Variants in PDZRN3 observed in about 807,000 individuals in gnomAD.
PDZRN3 encodes PDZ domain containing ring finger 3, also known as E3 ubiquitin-protein ligase PDZRN3.
Under a neutral mutation model 85.7 loss-of-function variants are expected in PDZRN3, and 38 were observed. The ratio of observed to expected loss-of-function variants is 0.44; its 90% CI spans 0.34 to 0.58. PDZRN3 has a LOEUF of 0.58. Among genes scored for constraint, PDZRN3 ranks in the 20% least tolerant of loss-of-function variants. PDZRN3 has a pLI of 0.01. For missense variants in PDZRN3, 1,629 were observed against 1,506.4 expected, an observed-to-expected ratio of 1.08 and a Z score of -1.35; for synonymous variants, 759 against 638.0, an observed-to-expected ratio of 1.19 and a Z score of -2.86.
chr3:73,387,234 G>A (rs1233899819), intron 8 of PDZRN3, among the ~76,000 whole-genome samples: 2 of 151,926 alleles, frequency 1.3e-5, no homozygotes, highest in Non-Finnish European at 2.9e-5. Flanking sequence ...GCATGAAAAC[G>A]GACTAATACA....
At chr3:73,519,269 G>C (rs1704309649) in intron 3 of PDZRN3, among the ~76,000 whole-genome samples, 1 of 152,206 alleles carries the variant, frequency 6.6e-6, no homozygotes, top group South Asian at 2.1e-4. Context: ...GAGGAGGCCA[G>C]AGCATACAGC....
At chr3:73,440,627 G>A (rs916852440) in intron 3 of PDZRN3, among the ~76,000 whole-genome samples, 7 of 152,158 alleles carry the variant, frequency 4.6e-5, no homozygotes, top group Admixed American at 6.5e-5. Flanking sequence ...GGAAATTCCC[G>A]AGGGCGGTTC....
In PDZRN3 at chr3:73,599,448, A is replaced by G. The variant is rs150246813; in HGVS notation, c.918+2906T>C. On this transcript the variant is annotated intron_variant, in intron 3 of 9. Transcript: ENST00000263666. ...TGAGGTGGGGAGGGAGTTAGTATTT[A>G]GTGAGTGTAGAGTTTCAGTCGAGGA... Among the ~76,000 whole-genome samples the G allele has an allele frequency of 3.7e-3, 565 of 152,300 alleles. 6 individuals carry two copies. Among genetic ancestry groups the G allele is most frequent in the African/African-American group, 0.013 (535 of 41,578 alleles).
intron 3 of PDZRN3, among the ~76,000 whole-genome samples, chr3:73,422,777 A>G (rs1434823338): frequency 6.6e-6 from 1 of 152,196 alleles, no homozygotes; most frequent in Non-Finnish European, 1.5e-5. Context: ...CAAAAAGTTC[A>G]AGTTAATTTA....
intron 3 of PDZRN3, among the ~76,000 whole-genome samples, chr3:73,428,310 T>C (rs926829186): frequency 6.6e-6 from 1 of 152,224 alleles, no homozygotes; most frequent in Non-Finnish European, 1.5e-5. Context: ...TCCCCTCTGT[T>C]CCACATCCTC....
At chr3:73,617,062 C>T (rs1463642206) in intron 1 of PDZRN3, among the ~76,000 whole-genome samples, 1 of 152,160 alleles carries the variant, frequency 6.6e-6, no homozygotes, top group Non-Finnish European at 1.5e-5. Flanking sequence ...TATCCAAACA[C>T]AGCAAAGACA....
intron 3 of PDZRN3, among the ~76,000 whole-genome samples, chr3:73,482,093 T>C (rs1231030241): frequency 1.3e-5 from 2 of 152,176 alleles, no homozygotes; most frequent in South Asian, 4.1e-4. Context: ...TCTGGAGCCA[T>C]GGGTGGACTC....
chr3:73,598,337 T>G (rs1011859583), intron 3 of PDZRN3, among the ~76,000 whole-genome samples: 4 of 152,182 alleles, frequency 2.6e-5, no homozygotes, highest in Admixed American at 6.5e-5. Flanking sequence ...ACTGAGATAT[T>G]TACAGTTTCG....
At chr3:73,593,262 T>A (rs1457695291) in intron 3 of PDZRN3, among the ~76,000 whole-genome samples, 1 of 152,198 alleles carries the variant, frequency 6.6e-6, no homozygotes, top group Admixed American at 6.5e-5. Context: ...AAGATTTAAT[T>A]TTTTGACCTA....
At position 73,384,896 on chromosome 3, in the gene PDZRN3, G is replaced by C. The variant is rs776656446; in HGVS notation, c.1670C>G (p.Thr557Arg). Reference sequence around the variant, plus strand: ...GTGCTGGTTGGACAAGATGGTGGCTGTATCTGTGGTCCCACCGTCTTCGTC... The same window carrying C: ...GTGCTGGTTGGACAAGATGGTGGCTCTATCTGTGGTCCCACCGTCTTCGTC... ...KHDEDGGTTD[T>R]ATILSNQHEK... The change falls in exon 10 of 10, where the codon ACA (threonine) becomes AGA (arginine). Residue 557 changes from threonine to arginine, a missense_variant. By Grantham distance (71) the Thr-to-Arg change is moderately conservative. Transcript: ENST00000263666. 5 of 1,610,798 alleles carry C rather than the reference G, an allele frequency of 3.1e-6. No homozygotes were observed. Among genetic ancestry groups the C allele is most frequent in the East Asian group, 2.2e-5 (1 of 44,806 alleles).
chr3:73,573,562 T>C (rs1448792707), intron 3 of PDZRN3, among the ~76,000 whole-genome samples: 2 of 152,156 alleles, frequency 1.3e-5, no homozygotes, highest in African/African-American at 4.8e-5. Flanking sequence ...CAGAGTTGAG[T>C]AGCTGCAACA....
intron 3 of PDZRN3, chr3:73,474,744 C>A: frequency 2.2e-6 from 1 of 464,680 alleles, no homozygotes; most frequent in Non-Finnish European, 3.2e-6. Flanking sequence ...GTTCCCCTTG[C>A]GAAGTGAAGG....
chr3:73,396,871 T>C (rs1242094502), intron 5 of PDZRN3, among the ~76,000 whole-genome samples: 1 of 148,060 alleles, frequency 6.8e-6, no homozygotes, highest in African/African-American at 2.5e-5. Context: ...TGAAAATTTA[T>C]GGGTAATTAT....
intron 3 of PDZRN3, among the ~76,000 whole-genome samples, chr3:73,550,871 C>CA (rs1701536589): frequency 6.6e-6 from 1 of 152,222 alleles, no homozygotes; most frequent in Admixed American, 6.5e-5. Flanking sequence ...GTCATACAGA[C>CA]AGCAATACTC....
chr3:73,546,139 A>C (rs1184871613), intron 3 of PDZRN3, among the ~76,000 whole-genome samples: 1 of 152,192 alleles, frequency 6.6e-6, no homozygotes, highest in African/African-American at 2.4e-5. Flanking sequence ...TATATGTTGA[A>C]TAAATGAGCA....
intron 3 of PDZRN3, among the ~76,000 whole-genome samples, chr3:73,566,647 T>G (rs1436474200): frequency 2.6e-5 from 4 of 152,164 alleles, no homozygotes; most frequent in Admixed American, 2.6e-4. Context: ...AGAAAGTGCA[T>G]AAATCCCAAT....
At position 73,390,969 on chromosome 3, in the gene PDZRN3, C is replaced by T. The variant is rs761524234; in HGVS notation, c.1353+49G>A. The stretch of plus-strand genomic sequence containing the variant: ...GGTTGGTGAACATGAAAAAAAAAAC[C>T]CTTTTGGTCTTGATACGATAGTTAG... On this transcript the variant is annotated intron_variant, in intron 6 of 9. Coordinates refer to ENST00000263666, the MANE Select transcript of PDZRN3 (RefSeq NM_015009.3). The T allele has an allele frequency of 1.5e-5, 19 of 1,227,584 alleles. No homozygotes were observed. In the East Asian group the frequency reaches 4.0e-4, roughly 26 times the overall value. 76.0% of individuals were successfully genotyped at this position (1,227,584 alleles called of 1,614,324 possible). A position where few individuals can be genotyped will look rare whatever the true frequency, so the allele number is the denominator to read the frequency against.
At chr3:73,437,347 T>C (rs973523265) in intron 3 of PDZRN3, among the ~76,000 whole-genome samples, 1 of 152,254 alleles carries the variant, frequency 6.6e-6, no homozygotes, top group Non-Finnish European at 1.5e-5. Context: ...TGAATTCAAA[T>C]GCTTGTGATA....
At chr3:73,560,067 T>C (rs1224601100) in intron 3 of PDZRN3, among the ~76,000 whole-genome samples, 1 of 152,166 alleles carries the variant, frequency 6.6e-6, no homozygotes, top group African/African-American at 2.4e-5. Context: ...TCTCCCAGAG[T>C]CTGCACCAGA....
Sources: gnomAD v4.1 joint callset for allele counts (sites outside exome capture counted in the v4.1 genomes callset) on GRCh38, gnomAD v4.1.1 for gene constraint, MANE v1.5 for transcripts, NCBI Gene and HGNC (gene_info 2026-07-23, HGNC 2026-07-21) for gene names.